TACC2: variants seen among roughly 807,000 people sequenced by gnomAD.
The protein encoded by TACC2 is transforming acidic coiled-coil-containing protein 2.
In TACC2, 137 loss-of-function variants were observed where a neutral mutation model predicts 227.3. That is an observed-to-expected ratio of 0.60 (90% CI 0.52 to 0.69). The LOEUF is 0.69. Ranked by LOEUF, TACC2 falls within the 30% of genes least tolerant of loss-of-function variation. The pLI is 0.00. For missense variants in TACC2, 3,470 were observed against 3,694.4 expected (o/e 0.94, Z 1.57); for synonymous variants, 1,523 against 1,487.5 (o/e 1.02, Z -0.55).
At chr10:122,162,819 G>A (rs1255893375) in intron 7 of TACC2, among the ~76,000 whole-genome samples, 1 of 152,178 alleles carries the variant, frequency 6.6e-6, no homozygotes, top group African/African-American at 2.4e-5. Context: ...ACAGAGCTGA[G>A]CCGATGCATG....
chr10:122,006,479 T>TAAATAAATAAATAAAA (rs1375429983), intron 1 of TACC2, among the ~76,000 whole-genome samples: 11 of 146,044 alleles, frequency 7.5e-5, no homozygotes, highest in Middle Eastern at 3.5e-3. Context: ...AATAAATAAA[T>TAAATAAATAAATAAAA]AAAAAATAGG....
At chr10:122,016,618 C>T (rs1341497955) in intron 1 of TACC2, among the ~76,000 whole-genome samples, 1 of 151,806 alleles carries the variant, frequency 6.6e-6, no homozygotes, top group Non-Finnish European at 1.5e-5. Context: ...CCTTTCTCAC[C>T]TCTGTGGTCT....
intron 1 of TACC2, among the ~76,000 whole-genome samples, chr10:121,998,333 G>A (rs1033415540): frequency 2.7e-5 from 4 of 146,970 alleles, no homozygotes; most frequent in African/African-American, 1.0e-4. Context: ...AAAAAAAAAA[G>A]GAAGACTCCT....
chr10:122,160,910 A>T (rs1246869156), intron 7 of TACC2, among the ~76,000 whole-genome samples: 1 of 152,170 alleles, frequency 6.6e-6, no homozygotes, highest in Non-Finnish European at 1.5e-5. Flanking sequence ...AGTTGTATCG[A>T]CTGTAATGGT....
intron 5 of TACC2, among the ~76,000 whole-genome samples, chr10:122,123,247 C>T (rs537523832): frequency 6.7e-4 from 102 of 152,116 alleles, no homozygotes; most frequent in Non-Finnish European, 1.4e-3. Flanking sequence ...TGAAGTGATT[C>T]ACCCACCTCG....
chr10:122,243,422 C>T (rs901159749), intron 19 of TACC2, among the ~76,000 whole-genome samples: 8 of 152,096 alleles, frequency 5.3e-5, no homozygotes, highest in African/African-American at 1.9e-4. Context: ...TAATAGTAGC[C>T]TCAGGAAGAG....
At position 122,157,581 on chromosome 10, in the gene TACC2, T is replaced by C. The variant is rs183281820; in HGVS notation, c.5834+13875T>C. Among the ~76,000 whole-genome samples the C allele has an allele frequency of 4.6e-5, 7 of 152,272 alleles. No individual in the cohort carries two copies. The East Asian group carries it at 1.4e-3, about 29-fold the overall frequency. On this transcript the variant is annotated intron_variant, in intron 7 of 22. Coordinates refer to ENST00000369005, the MANE Select transcript of TACC2 (RefSeq NM_206862.4). ...TAACTGATCATAGTGGTTGCCCTTT[T>C]TGCTTTGGCTGTTGGGAAACTTAGA...
At chr10:122,132,856 G>GCA (rs1369439650) in intron 6 of TACC2, 122 bp downstream of exon 6, 12 of 992,962 alleles carry the variant, frequency 1.2e-5, no homozygotes, top group East Asian at 2.6e-5. Context: ...CACCCCCTCT[G>GCA]CACACACACA....
rs974195550 is a variant in TACC2 at position 122,041,741 on chromosome 10, C to T, written c.34-8697C>T. On this transcript the variant is annotated intron_variant, in intron 2 of 22. Transcript: ENST00000369005. ...GGATTACAGGTGTAGCCACAGCACC[C>T]GGCCTTGACAGCAGAGAGTTTCTTT... Among the ~76,000 whole-genome samples, 16 of 152,316 alleles carry T rather than the reference C, an allele frequency of 1.1e-4. No individual in the cohort carries two copies. In the South Asian group the frequency reaches 1.4e-3, roughly 14 times the overall value.
intron 7 of TACC2, among the ~76,000 whole-genome samples, chr10:122,173,173 C>T (rs2093559920): frequency 6.6e-6 from 1 of 152,314 alleles, no homozygotes; most frequent in Non-Finnish European, 1.5e-5. Flanking sequence ...AATGTGCCCT[C>T]CTCACCCCAG....
chr10:122,132,650 C>A lies in TACC2; in HGVS notation c.5615C>A (p.Ala1872Glu). 1 of 1,614,212 alleles carries A rather than the reference C, an allele frequency of 6.2e-7. No homozygotes were observed. Among genetic ancestry groups the A allele is most frequent in the South Asian group, 1.1e-5 (1 of 91,088 alleles). ...GATATCATCCAGCCCGCTGCCCCCG[C>A]AGACCTGGAAAGCCCAACCTTAGCT... ...ADDIIQPAAP[A>E]DLESPTLAAS... Residue 1872 changes from alanine to glutamate, a missense_variant, in exon 6 of 23, where the codon GCA (alanine) becomes GAA (glutamate). By Grantham distance (107) the Ala-to-Glu change is moderately radical (BLOSUM62 -1). This residue lies in a region of TACC2 where 1,924 missense variants were observed against 1,978.3 expected (regional missense o/e 0.97). Transcript: ENST00000369005.
chr10:122,083,541 C>G lies in TACC2; in HGVS notation c.1041C>G (p.Pro347=). The change falls in exon 4 of 23, where the codon CCC becomes CCG. Residue 347 remains proline, a synonymous_variant. Coordinates refer to ENST00000369005, the MANE Select transcript of TACC2 (RefSeq NM_206862.4). The part of the protein sequence containing the change: ...VGAYLPHAEL[P]WGLPSPALVP... Reference sequence around the variant, plus strand: ...CATATCTGCCGCACGCAGAGCTGCCCTGGGGCTTGCCAAGTCCTGCCCTGG... The same window carrying G: ...CATATCTGCCGCACGCAGAGCTGCCGTGGGGCTTGCCAAGTCCTGCCCTGG... 6.2e-7 allele frequency: 1 copy of G among 1,613,192 alleles called. No homozygotes were observed. Among genetic ancestry groups the G allele is most frequent in the Non-Finnish European group, 8.5e-7 (1 of 1,179,990 alleles).
At chr10:122,207,332 C>T (rs1404468408) in intron 8 of TACC2, among the ~76,000 whole-genome samples, 1 of 151,850 alleles carries the variant, frequency 6.6e-6, no homozygotes, top group Admixed American at 6.6e-5. Context: ...GCAGGGAGGA[C>T]TTCGAACCCA....
At position 122,087,955 on chromosome 10, in the gene TACC2, G is replaced by T; in HGVS notation, c.5455G>T (p.Asp1819Tyr). Residue 1819 changes from aspartate (D) to tyrosine (Y), a missense_variant, in exon 4 of 23, where the codon GAC (aspartate) becomes TAC (tyrosine). Physicochemically the swap from Asp to Tyr is radical, Grantham distance 160. Transcript: ENST00000369005. ...QHLAPEELHT[D>Y]RESPRPGPSM... Reference sequence around the variant, plus strand: ...TTTGGCTCCAGAAGAGCTCCACACTGACAGGTACTTAAATGAAAAAATTCC... The same window carrying T: ...TTTGGCTCCAGAAGAGCTCCACACTTACAGGTACTTAAATGAAAAAATTCC... The T allele has an allele frequency of 6.7e-7, 1 of 1,500,618 alleles. No homozygotes were observed. The highest frequency in any genetic ancestry group is 8.9e-7 in the Non-Finnish European group (1 of 1,125,694). The allele number at this position is 1,500,618 out of a possible 1,614,324, so 93.0% of individuals were successfully genotyped here. A position where few individuals can be genotyped will look rare whatever the true frequency, so the allele number is the denominator to read the frequency against.
chr10:122,194,978 A>G lies in TACC2; in HGVS notation c.5835-62A>G, dbSNP rs1202966044. 6.5e-7 allele frequency: 1 copy of G among 1,543,940 alleles called. No homozygotes were observed. The highest frequency in any genetic ancestry group is 8.8e-7 in the Non-Finnish European group (1 of 1,138,786). ...CACTGGCTCTGGGTGCGAAGGCCAC[A>G]CCGGCTCAGCAGAACTGGCTCTGGG... On this transcript the variant is annotated intron_variant, in intron 7 of 22. Coordinates refer to ENST00000369005, the MANE Select transcript of TACC2 (RefSeq NM_206862.4). This position sits in a 1 kb window ranked among gnomAD's most constrained non-coding sequence, Gnocchi z 4.4.
intron 5 of TACC2, among the ~76,000 whole-genome samples, chr10:122,124,791 A>G (rs1248019567): frequency 6.6e-6 from 1 of 152,212 alleles, no homozygotes; most frequent in African/African-American, 2.4e-5. Flanking sequence ...CCGATTCCGC[A>G]GTCATTGACA....
At chr10:122,237,288 TG>T in intron 16 of TACC2, 106 bp from the exon 17 acceptor site, 2 of 1,116,454 alleles carry the variant, frequency 1.8e-6, no homozygotes, top group Non-Finnish European at 2.5e-6. Flanking sequence ...TGATGTTCTT[TG>T]TTTCAAAACC....
Position 122,087,092 on chromosome 10 carries a change from C to T in TACC2, c.4592C>T (p.Pro1531Leu). The T allele has an allele frequency of 6.2e-7, 1 of 1,611,386 alleles. No individual in the cohort carries two copies. The highest frequency in any genetic ancestry group is 8.5e-7 in the Non-Finnish European group (1 of 1,178,922). ...VPPTLREDERPEGPGAAWPGL... is the reference protein window; with the variant it reads ...VPPTLREDERLEGPGAAWPGL... ...CCCACACTGAGGGAAGACGAGAGGC[C>T]AGAGGGGCCTGGGGCAGCCTGGCCA... The change falls in exon 4 of 23, where the codon CCA (proline) becomes CTA (leucine). Residue 1531 changes from proline (P) to leucine (L), a missense_variant. By Grantham distance (98) the Pro-to-Leu change is moderately conservative (BLOSUM62 -3). This residue lies in a region of TACC2 where 1,924 missense variants were observed against 1,978.3 expected (regional missense o/e 0.97). Transcript: ENST00000369005.
rs7920644 is a variant in TACC2, at chr10:122,187,697, G to A, written c.5835-7343G>A. ...GTAGAGACAGGGTTTCTCCACCTTG[G>A]CCAGGCTGGTCTGGAACTCCTGATC... On this transcript the variant is annotated intron_variant, in intron 7 of 22. Coordinates refer to ENST00000369005, the MANE Select transcript of TACC2 (RefSeq NM_206862.4). 6.7e-3 allele frequency among the ~76,000 whole-genome samples: 1,021 copies of A among 152,052 alleles called. 9 individuals carry two copies. Among genetic ancestry groups the A allele is most frequent in the African/African-American group, 0.016 (669 of 41,456 alleles).
Sources: gnomAD v4.1 joint callset for allele counts (sites outside exome capture counted in the v4.1 genomes callset) on GRCh38, gnomAD v4.1.1 for gene constraint, gnomAD v4.1.1 regional missense constraint, Gnocchi (gnomAD v3.1) non-coding constraint, MANE v1.5 for transcripts, NCBI Gene and HGNC (gene_info 2026-07-23, HGNC 2026-07-21) for gene names.